Variants in SFMBT2 observed in about 807,000 individuals in gnomAD.
SFMBT2 encodes the protein scm-like with four MBT domains protein 2.
A neutral mutation model predicts 110.1 loss-of-function variants in SFMBT2; 38 were observed. That is an observed-to-expected ratio of 0.35 (90% CI 0.27 to 0.45). The LOEUF is 0.45. SFMBT2 is among the 20% of genes least tolerant of loss of function. SFMBT2 has a pLI of 1.00. For missense variants in SFMBT2, 1,011 were observed against 1,094.9 expected (o/e 0.92, Z 1.08); for synonymous variants, 425 against 425.4 (o/e 1.00, Z 0.01).
At chr10:7,255,485 T>G (rs1222272091) in intron 7 of SFMBT2, among the ~76,000 whole-genome samples, 1 of 152,254 alleles carries the variant, frequency 6.6e-6, no homozygotes, top group Non-Finnish European at 1.5e-5. Flanking sequence ...TCTCCTTTAA[T>G]AAATGCCAGC....
At chr10:7,368,196 A>G (rs902596234) in intron 3 of SFMBT2, 1 of 390,412 alleles carries the variant, frequency 2.6e-6, no homozygotes, top group Non-Finnish European at 3.5e-6. Context: ...TGAAACAACC[A>G]ACTGTCTTCT....
In SFMBT2 at chr10:7,348,251, C is replaced by T. The variant is rs756074587; in HGVS notation, c.436+19398G>A. Reference sequence around the variant, plus strand: ...GTGGGATCGGGGAGTTGTTTCATTTCGTGACGGTCTCGAAGAAGTTTTGAG... The same window carrying T: ...GTGGGATCGGGGAGTTGTTTCATTTTGTGACGGTCTCGAAGAAGTTTTGAG... On this transcript the variant is annotated intron_variant, in intron 4 of 20. Transcript: ENST00000397167. The T allele has an allele frequency of 3.7e-5, 55 of 1,483,336 alleles. 2 individuals are homozygous for T. In the South Asian group the frequency reaches 4.6e-4, roughly 12 times the overall value. The allele number at this position is 1,483,336 out of a possible 1,614,324, so 91.9% of individuals were successfully genotyped here. A position where few individuals can be genotyped will look rare whatever the true frequency, so the allele number is the denominator to read the frequency against.
intron 17 of SFMBT2, among the ~76,000 whole-genome samples, chr10:7,174,282 G>A (rs957914183): frequency 5.3e-5 from 8 of 152,226 alleles, no homozygotes; most frequent in Non-Finnish European, 1.0e-4. Context: ...GGGCAAATGA[G>A]CAAGCCTCTG....
intron 15 of SFMBT2, among the ~76,000 whole-genome samples, chr10:7,196,236 C>T (rs1176054357): frequency 6.6e-6 from 1 of 152,154 alleles, no homozygotes; most frequent in Non-Finnish European, 1.5e-5. Flanking sequence ...TTGCTCCATC[C>T]AACCTCACAC....
chr10:7,204,015 C>A (rs1243145491), intron 12 of SFMBT2: 1 of 242,464 alleles, frequency 4.1e-6, no homozygotes, highest in African/African-American at 2.3e-5. Flanking sequence ...CCACGCCTGG[C>A]CAGAATCTGC....
At chr10:7,303,466 A>G (rs1426547364) in intron 4 of SFMBT2, among the ~76,000 whole-genome samples, 1 of 152,200 alleles carries the variant, frequency 6.6e-6, no homozygotes, top group African/African-American at 2.4e-5. Context: ...TCCACCACGG[A>G]AAGATGGGGT....
At chr10:7,270,775 G>T (rs146681173) in intron 7 of SFMBT2, among the ~76,000 whole-genome samples, 1 of 152,270 alleles carries the variant, frequency 6.6e-6, no homozygotes, top group African/African-American at 2.4e-5. Flanking sequence ...AGAAGGTAAG[G>T]TAATTGTATT....
chr10:7,237,938 C>G (rs372512709), intron 9 of SFMBT2, among the ~76,000 whole-genome samples: 12 of 152,090 alleles, frequency 7.9e-5, no homozygotes, highest in African/African-American at 2.9e-4. Context: ...GGTGTCTGCA[C>G]AGAGGGAACA....
At chr10:7,205,252 T>C (rs1318101792) in intron 12 of SFMBT2, 15 of 253,798 alleles carry the variant, frequency 5.9e-5, no homozygotes, top group Non-Finnish European at 9.3e-5. Context: ...AATTTACTTA[T>C]ATATGTACTT....
At chr10:7,384,222 A>AC (rs1490071144) in intron 1 of SFMBT2, among the ~76,000 whole-genome samples, 1 of 148,506 alleles carries the variant, frequency 6.7e-6, no homozygotes, top group Non-Finnish European at 1.5e-5. Context: ...AAAAAAAAAA[A>AC]AAAAAAAAAA....
chr10:7,338,123 G>A (rs746115414), intron 4 of SFMBT2, among the ~76,000 whole-genome samples: 9 of 152,114 alleles, frequency 5.9e-5, no homozygotes, highest in Non-Finnish European at 1.2e-4. Context: ...GTAGCTAAGG[G>A]GAAAAATAAC....
At chr10:7,281,930 C>T (rs1841958585) in intron 6 of SFMBT2, among the ~76,000 whole-genome samples, 1 of 152,174 alleles carries the variant, frequency 6.6e-6, no homozygotes, top group Admixed American at 6.5e-5. Flanking sequence ...ACTGCAGCCT[C>T]CTCTCCTGTG....
intron 4 of SFMBT2, among the ~76,000 whole-genome samples, chr10:7,345,648 T>C (rs1174221272): frequency 6.6e-6 from 1 of 152,250 alleles, no homozygotes; most frequent in African/African-American, 2.4e-5. Context: ...TGAGCCACCG[T>C]GCCCAGCCCA....
chr10:7,385,744 A>T lies in SFMBT2; in HGVS notation c.-51-3795T>A, dbSNP rs541507481. Among the ~76,000 whole-genome samples the T allele has an allele frequency of 5.3e-5, 8 of 152,312 alleles. No individual in the cohort carries two copies. The East Asian group carries it at 1.2e-3, about 22-fold the overall frequency. ...GCCAGGCACAGTGGCTCACGCCTGT[A>T]ATCCCAGCACTTTGGGAGGCCGAGG... On this transcript the variant is annotated intron_variant, in intron 1 of 20. Transcript: ENST00000397167.
chr10:7,348,033 C>A, intron 4 of SFMBT2: 1 of 335,918 alleles, frequency 3.0e-6, no homozygotes, highest in Non-Finnish European at 5.4e-6. Flanking sequence ...TTCTTCATTT[C>A]ACAAAACAAA....
chr10:7,248,645 T>C lies in SFMBT2; in HGVS notation c.875A>G (p.His292Arg), dbSNP rs1192637477. ...FPLPMEVFKDHADLRSHFFTV... is the reference protein window; with the variant it reads ...FPLPMEVFKDRADLRSHFFTV... ...GAAGAAATGGCTTCGCAAATCTGCG[T>C]GATCCTGCAGGGAGAAAGATGAAAA... The change falls in exon 8 of 21, where the codon CAC (histidine) becomes CGC (arginine). Residue 292 changes from histidine to arginine, a missense_variant. Transcript: ENST00000397167. 1 of 1,613,990 alleles carries C rather than the reference T, an allele frequency of 6.2e-7. No individual in the cohort carries two copies. The highest frequency in any genetic ancestry group is 1.1e-5 in the South Asian group (1 of 91,080).
chr10:7,206,488 C>T, intron 11 of SFMBT2: 3 of 985,024 alleles, frequency 3.0e-6, no homozygotes, highest in Non-Finnish European at 3.6e-6. Context: ...AGGCCCTTCT[C>T]TAGGAAACCT....
intron 1 of SFMBT2, among the ~76,000 whole-genome samples, chr10:7,401,872 A>G (rs912405675): frequency 1.2e-4 from 18 of 152,306 alleles, no homozygotes; most frequent in African/African-American, 4.3e-4. Context: ...ACATTTCTCC[A>G]CGTGTTCCGC....
intron 9 of SFMBT2, chr10:7,228,194 C>A (rs375639911): frequency 5.1e-6 from 1 of 195,752 alleles, no homozygotes; most frequent in African/African-American, 2.4e-5. Context: ...CGGCACCAGC[C>A]GGTGGGGGGA....
Sources: allele counts gnomAD v4.1 joint callset (sites outside exome capture counted in the v4.1 genomes callset), GRCh38; gene constraint gnomAD v4.1.1; transcripts MANE v1.5; gene names NCBI Gene and HGNC (gene_info 2026-07-23, HGNC 2026-07-21).